The following CA3 variants were observed in gnomAD, a reference collection of about 807,000 sequenced individuals.
The protein encoded by CA3 is CA-III.
Under a neutral mutation model 35.7 loss-of-function variants are expected in CA3, and 30 were observed. That is an observed-to-expected ratio of 0.84 (90% CI 0.63 to 1.14). The LOEUF (loss-of-function observed/expected upper bound fraction) is 1.14. Among genes scored for constraint, CA3 ranks in the 50% most tolerant of loss-of-function variants. The pLI is 0.00. For synonymous variants in CA3, 131 were observed against 130.8 expected, an observed-to-expected ratio of 1.00 and a Z score of -0.01; for missense variants, 295 against 328.5, an observed-to-expected ratio of 0.90 and a Z score of 0.79.
intron 3 of CA3, among the ~76,000 whole-genome samples, chr8:85,443,354 C>A (rs1811233499): frequency 6.6e-6 from 1 of 152,140 alleles, no homozygotes; most frequent in East Asian, 1.9e-4. Flanking sequence ...CTGCTTTATT[C>A]TTTTCCAAAG....
chr8:85,440,975 A>C (rs757040227), intron 2 of CA3, among the ~76,000 whole-genome samples: 8 of 152,214 alleles, frequency 5.3e-5, no homozygotes, highest in Admixed American at 3.9e-4. Flanking sequence ...AAATAGTTGA[A>C]TATTGTCAAT....
At chr8:85,439,313 T>C (rs1412728138) in intron 1 of CA3, among the ~76,000 whole-genome samples, 1 of 152,186 alleles carries the variant, frequency 6.6e-6, no homozygotes, top group African/African-American at 2.4e-5. Flanking sequence ...TGAGAATCTC[T>C]GCTCTGCCTA....
In CA3 at chr8:85,448,359, C is replaced by T. The variant is rs956349808; in HGVS notation, c.*206C>T. ...ATCTAATATGAAAGCATAGATTTCA[C>T]ATTTGATCTCTGTAATAATCATCTT... On this transcript the variant is annotated 3_prime_UTR_variant, in exon 7 of 7. Coordinates refer to ENST00000285381, the MANE Select transcript of CA3 (RefSeq NM_005181.4). 2.5e-6 allele frequency: 1 copy of T among 394,188 alleles called. No homozygotes were observed. The highest frequency in any genetic ancestry group is 4.4e-6 in the Non-Finnish European group (1 of 226,142). 24.4% of individuals were successfully genotyped at this position (394,188 alleles called of 1,614,324 possible). A position where few individuals can be genotyped will look rare whatever the true frequency, so the allele number is the denominator to read the frequency against.
chr8:85,446,429 G>T (rs1811292610), intron 6 of CA3, 132 bp downstream of exon 6: 2 of 1,061,696 alleles, frequency 1.9e-6, no homozygotes, highest in Non-Finnish European at 1.3e-6. Context: ...TTCATGGTCT[G>T]CCCTGGTTAA....
intron 5 of CA3, 119 bp downstream of exon 5, chr8:85,445,337 C>T (rs1811271667): frequency 5.0e-6 from 3 of 597,656 alleles, no homozygotes; most frequent in African/African-American, 3.8e-5. Flanking sequence ...ATATGCTAAG[C>T]ATACATATAA....
At position 85,439,921 on chromosome 8, in the gene CA3, A is replaced by G. The variant is rs937519272; in HGVS notation, c.232+12A>G. 6.3e-6 allele frequency: 10 copies of G among 1,589,506 alleles called. No individual in the cohort carries two copies. Among genetic ancestry groups the G allele is most frequent in the Non-Finnish European group, 8.6e-6 (10 of 1,163,034 alleles). On this transcript the variant is annotated intron_variant, in intron 2 of 6. Transcript: ENST00000285381. ...TTATGATAGGTCAAGTAAGTATGAC[A>G]ATGAGGTAGAATCACATGGATGTTT...
intron 5 of CA3, among the ~76,000 whole-genome samples, chr8:85,445,503 A>AACACACACACAC (rs766933947): frequency 8.1e-6 from 1 of 123,296 alleles, no homozygotes; most frequent in Non-Finnish European, 1.6e-5. Context: ...ATCCTCGCCC[A>AACACACACACAC]ACACACACAC....
At chr8:85,441,866 A>G (rs1811211426) in intron 2 of CA3, 1 of 543,892 alleles carries the variant, frequency 1.8e-6, no homozygotes, top group African/African-American at 1.9e-5. Flanking sequence ...AAACAAAATA[A>G]GAAAGACAGA....
rs548202672 is a variant in CA3 at position 85,447,374 on chromosome 8, G to A, written c.664-660G>A. Among the ~76,000 whole-genome samples, 7 of 152,154 alleles carry A rather than the reference G, an allele frequency of 4.6e-5. No homozygotes were observed. In the East Asian group the frequency reaches 1.2e-3, roughly 25 times the overall value. ...TTATTTACACTGATATATGGATGTG[G>A]TCATCCTCTCCAACAAAGTATGTAG... On this transcript the variant is annotated intron_variant, in intron 6 of 6. Transcript: ENST00000285381.
At chr8:85,447,934 A>G (rs1811314772) in intron 6 of CA3, 100 bp from the exon 7 acceptor site, 1 of 1,150,002 alleles carries the variant, frequency 8.7e-7, no homozygotes, top group Non-Finnish European at 1.2e-6. Flanking sequence ...CAAAAAAACC[A>G]ACAACAAAAA....
intron 5 of CA3, among the ~76,000 whole-genome samples, chr8:85,445,456 GAGTA>G (rs769763324): frequency 2.2e-4 from 33 of 151,420 alleles, no homozygotes; most frequent in Non-Finnish European, 3.8e-4. Flanking sequence ...TTTCTCAATG[GAGTA>G]AGTGAGAGTC....
chr8:85,439,928 T>C lies in CA3; in HGVS notation c.232+19T>C. 1 of 1,575,554 alleles carries C rather than the reference T, an allele frequency of 6.3e-7. No homozygotes were observed. The highest frequency in any genetic ancestry group is 8.7e-7 in the Non-Finnish European group (1 of 1,151,358). On this transcript the variant is annotated intron_variant, in intron 2 of 6. Transcript: ENST00000285381. ...AGGTCAAGTAAGTATGACAATGAGGTAGAATCACATGGATGTTTTCAAGGT... is the reference window on the plus strand; with the variant it reads ...AGGTCAAGTAAGTATGACAATGAGGCAGAATCACATGGATGTTTTCAAGGT...
chr8:85,442,034 G>T, intron 2 of CA3, 39 bp from the exon 3 acceptor site: 1 of 982,626 alleles, frequency 1.0e-6, no homozygotes, highest in Non-Finnish European at 1.7e-6. Flanking sequence ...TGTAAAAGAA[G>T]CATGAATTCA....
chr8:85,439,007 C>T (rs2130497657), intron 1 of CA3, 64 bp downstream of exon 1: 1 of 1,511,156 alleles, frequency 6.6e-7, no homozygotes, highest in East Asian at 2.5e-5. Flanking sequence ...CCTGCCATTG[C>T]ACAGAAATGG....
chr8:85,440,201 T>G (rs1163370401), intron 2 of CA3, among the ~76,000 whole-genome samples: 3 of 152,180 alleles, frequency 2.0e-5, no homozygotes, highest in Non-Finnish European at 4.4e-5. Flanking sequence ...TAAACTCAAA[T>G]GAGTATTCTT....
rs1309643866 is a variant in CA3, at chr8:85,444,130, A to G, written c.444+4A>G. ...TGTGATTGGCATTTTTCTGAAGGTA[A>G]AGTAAAAATTGACTATATATTTTCT... On this transcript the variant is annotated splice_donor_region_variant and intron_variant, in intron 4 of 6. Coordinates refer to ENST00000285381, the MANE Select transcript of CA3 (RefSeq NM_005181.4). The G allele has an allele frequency of 1.3e-6, 2 of 1,588,646 alleles. No individual in the cohort carries two copies. The highest frequency in any genetic ancestry group is 2.7e-5 in the African/African-American group (2 of 74,392).
chr8:85,445,104 C>A, intron 4 of CA3, 52 bp from the exon 5 acceptor site: 1 of 1,248,522 alleles, frequency 8.0e-7, no homozygotes, highest in Non-Finnish European at 1.1e-6. Context: ...GAAGACAATC[C>A]TAAACTATGG....
Position 85,444,053 on chromosome 8 carries a change from A to C in CA3, c.371A>C (p.Asn124Thr). 6.2e-7 allele frequency: 1 copy of C among 1,612,930 alleles called. No homozygotes were observed. Among genetic ancestry groups the C allele is most frequent in the Non-Finnish European group, 8.5e-7 (1 of 1,178,958 alleles). ...TTTCAGCTTCATTTGGTTCACTGGA[A>C]CCCGAAGTATAACACTTTTAAAGAA... ...YAAELHLVHW[N>T]PKYNTFKEAL... is the part of the protein sequence containing the mutation. Residue 124 changes from asparagine to threonine, a missense_variant, in exon 4 of 7, where the codon AAC becomes ACC. Transcript: ENST00000285381.
At chr8:85,441,985 A>G in intron 2 of CA3, 88 bp from the exon 3 acceptor site, 1 of 782,426 alleles carries the variant, frequency 1.3e-6, no homozygotes, top group Non-Finnish European at 2.3e-6. Flanking sequence ...TTTGTCCATT[A>G]AGCCTTGGCT....
Sources: gnomAD v4.1 joint callset for allele counts (sites outside exome capture counted in the v4.1 genomes callset) on GRCh38, gnomAD v4.1.1 for gene constraint, MANE v1.5 for transcripts, NCBI Gene and HGNC (gene_info 2026-07-23, HGNC 2026-07-21) for gene names.